The following B3GALT1 variants were observed in gnomAD, a reference collection of about 807,000 sequenced individuals.
B3GALT1 encodes the protein UDP-Gal:betaGlcNAc beta 1,3-galactosyltransferase, polypeptide 1.
Under a neutral mutation model 23.2 loss-of-function variants are expected in B3GALT1, and 10 were observed. That is an observed-to-expected ratio of 0.43 (90% CI 0.27 to 0.73). B3GALT1 has a LOEUF of 0.73. B3GALT1 is among the 30% of genes least tolerant of loss of function. The probability of loss-of-function intolerance (pLI) is 0.21; values close to 1 mark genes in which losing one functional copy is unlikely to be tolerated. For synonymous variants in B3GALT1, 156 were observed against 141.5 expected, an observed-to-expected ratio of 1.10 and a Z score of -0.73; for missense variants, 299 against 405.4, an observed-to-expected ratio of 0.74 and a Z score of 2.25.
intron 2 of B3GALT1, among the ~76,000 whole-genome samples, chr2:167,629,423 C>T (rs948866726): frequency 6.6e-6 from 1 of 151,612 alleles, no homozygotes; most frequent in African/African-American, 2.4e-5. Flanking sequence ...ATGAGAGTTC[C>T]AGCGCACACA....
chr2:167,566,088 C>G (rs1339763729), intron 2 of B3GALT1, among the ~76,000 whole-genome samples: 1 of 151,982 alleles, frequency 6.6e-6, no homozygotes, highest in Non-Finnish European at 1.5e-5. Flanking sequence ...ATAGCAAAGA[C>G]TTGGAACAAA....
intron 3 of B3GALT1, among the ~76,000 whole-genome samples, chr2:167,753,560 G>T (rs1687772089): frequency 6.6e-6 from 1 of 152,120 alleles, no homozygotes; most frequent in African/African-American, 2.4e-5. Context: ...AAGGCATCCT[G>T]GGGAGATTCT....
chr2:167,495,360 T>C (rs1699768708), intron 2 of B3GALT1, among the ~76,000 whole-genome samples: 1 of 137,330 alleles, frequency 7.3e-6, no homozygotes, highest in African/African-American at 2.7e-5. Flanking sequence ...TGTGATGGAG[T>C]TTTGCTCTTG....
intron 3 of B3GALT1, among the ~76,000 whole-genome samples, chr2:167,815,878 A>G (rs941249105): frequency 6.6e-6 from 1 of 152,208 alleles, no homozygotes; most frequent in African/African-American, 2.4e-5. Flanking sequence ...TCAATTTTCA[A>G]TTATCTGCCC....
chr2:167,502,885 A>G (rs927838364), intron 2 of B3GALT1, among the ~76,000 whole-genome samples: 6 of 152,042 alleles, frequency 3.9e-5, no homozygotes, highest in Non-Finnish European at 5.9e-5. Flanking sequence ...CTAAAAATAC[A>G]AAAATTAGCT....
At chr2:167,434,298 T>G (rs1002852427) in intron 1 of B3GALT1, among the ~76,000 whole-genome samples, 1 of 152,112 alleles carries the variant, frequency 6.6e-6, no homozygotes, top group Non-Finnish European at 1.5e-5. Context: ...CCATCCCACA[T>G]TTGTTCTACA....
chr2:167,805,000 C>CT lies in B3GALT1; in HGVS notation c.-351-13667dup, dbSNP rs1399239060. On this transcript the variant is annotated intron_variant, in intron 3 of 4. Coordinates refer to ENST00000392690, the MANE Select transcript of B3GALT1 (RefSeq NM_020981.4). ...CTCTCCAGCACCTGTTGTTTCCTGA[C>CT]TTTTTAATGATCACCATTCTAACTG... 3.9e-5 allele frequency among the ~76,000 whole-genome samples: 6 copies of CT among 152,310 alleles called. No individual in the cohort carries two copies. In the South Asian group the frequency reaches 1.2e-3, roughly 32 times the overall value.
At chr2:167,683,052 G>A (rs952859122) in intron 3 of B3GALT1, among the ~76,000 whole-genome samples, 3 of 152,154 alleles carry the variant, frequency 2.0e-5, no homozygotes. Flanking sequence ...GATTTATTAT[G>A]AAGATGACTC....
At position 167,478,791 on chromosome 2, in the gene B3GALT1, C is replaced by T. The variant is rs377616540; in HGVS notation, c.-510-11386C>T. On this transcript the variant is annotated intron_variant, in intron 1 of 4. Transcript: ENST00000392690. ...TCCAAGTGTTCTAATTTGTTCAATT[C>T]CCACCTTTGAGTGAGAACATGTGGT... Among the ~76,000 whole-genome samples the T allele has an allele frequency of 1.0e-4, 15 of 146,216 alleles. No homozygotes were observed. The East Asian group carries it at 1.8e-3, about 17-fold the overall frequency.
intron 1 of B3GALT1, among the ~76,000 whole-genome samples, chr2:167,431,541 T>C (rs1698704177): frequency 6.6e-6 from 1 of 152,240 alleles, no homozygotes. Flanking sequence ...TGTTTTGCTT[T>C]TAGAATATTA....
At chr2:167,351,145 T>A (rs1697302032) in intron 1 of B3GALT1, among the ~76,000 whole-genome samples, 1 of 151,826 alleles carries the variant, frequency 6.6e-6, no homozygotes, top group African/African-American at 2.4e-5. Context: ...GGCGGGTGCC[T>A]GTAATCCCAG....
At chr2:167,441,177 A>G (rs1401899283) in intron 1 of B3GALT1, among the ~76,000 whole-genome samples, 1 of 152,172 alleles carries the variant, frequency 6.6e-6, no homozygotes, top group Non-Finnish European at 1.5e-5. Flanking sequence ...TTCACATTCA[A>G]GGTTCATGAA....
At chr2:167,661,773 G>A (rs1686064291) in intron 3 of B3GALT1, among the ~76,000 whole-genome samples, 2 of 152,008 alleles carry the variant, frequency 1.3e-5, no homozygotes, top group African/African-American at 2.4e-5. Context: ...TGATTATAAT[G>A]ATCAAATATG....
chr2:167,862,842 A>G (rs1037650621), intron 4 of B3GALT1: 1 of 152,204 alleles, frequency 6.6e-6, no homozygotes, highest in Non-Finnish European at 1.5e-5. Flanking sequence ...ATTCTGCCCC[A>G]CTAACTTCCT....
At chr2:167,788,622 C>T (rs1465300523) in intron 3 of B3GALT1, among the ~76,000 whole-genome samples, 2 of 152,056 alleles carry the variant, frequency 1.3e-5, no homozygotes, top group African/African-American at 4.8e-5. Context: ...TGAGGAGCAG[C>T]TGTAAATACT....
intron 3 of B3GALT1, among the ~76,000 whole-genome samples, chr2:167,676,601 G>A (rs1036620910): frequency 2.6e-5 from 4 of 151,028 alleles, no homozygotes; most frequent in African/African-American, 9.8e-5. Flanking sequence ...TCGCTTTCTT[G>A]CCCAGGCTGG....
chr2:167,442,918 G>A (rs1331613787), intron 1 of B3GALT1, among the ~76,000 whole-genome samples: 2 of 145,704 alleles, frequency 1.4e-5, no homozygotes, highest in African/African-American at 5.1e-5. Flanking sequence ...TGTTGCCATT[G>A]CTTTTGGTGT....
At chr2:167,830,519 T>A (rs969113814) in intron 4 of B3GALT1, among the ~76,000 whole-genome samples, 8 of 152,182 alleles carry the variant, frequency 5.3e-5, no homozygotes, top group African/African-American at 1.9e-4. Context: ...ACTGTCAATA[T>A]CAATATGGGC....
At chr2:167,565,677 TC>T (rs1684147394) in intron 2 of B3GALT1, among the ~76,000 whole-genome samples, 1 of 151,926 alleles carries the variant, frequency 6.6e-6, no homozygotes, top group Non-Finnish European at 1.5e-5. Flanking sequence ...AACAACCCCA[TC>T]AAAAAGTGGG....
Sources: allele counts gnomAD v4.1 joint callset (sites outside exome capture counted in the v4.1 genomes callset), GRCh38; gene constraint gnomAD v4.1.1; transcripts MANE v1.5; gene names NCBI Gene and HGNC (gene_info 2026-07-23, HGNC 2026-07-21).